The following REXO1 variants were observed in gnomAD, a reference collection of about 807,000 sequenced individuals.
REXO1 encodes the protein RNA exonuclease 1 homolog.
In REXO1, 42 loss-of-function variants were observed where a neutral mutation model predicts 102.6. The ratio of observed to expected loss-of-function variants is 0.41; its 90% confidence interval spans 0.32 to 0.53. The LOEUF (loss-of-function observed/expected upper bound fraction) is 0.53. REXO1 is among the 20% of genes least tolerant of loss of function. The pLI is 0.27. For missense variants in REXO1, 1,819 were observed against 1,732.5 expected (o/e 1.05, Z -0.89); for synonymous variants, 908 against 779.1 (o/e 1.17, Z -2.76).
rs1438859007 is a variant in REXO1 at position 1,827,903 on chromosome 19, C to T, written c.886G>A (p.Val296Ile). The change falls in exon 2 of 16, where the codon GTC becomes ATC. Residue 296 changes from valine to isoleucine, a missense_variant. By Grantham distance (29) the Val-to-Ile change is conservative. Transcript: ENST00000170168. ...FSDSEDEAAT[V>I]PGNEPTTAST... ...GCCGTGGTGGGCTCGTTACCTGGGACCGTGGCGGCCTCATCTTCTGAGTCT... is the reference window on the plus strand; with the variant it reads ...GCCGTGGTGGGCTCGTTACCTGGGATCGTGGCGGCCTCATCTTCTGAGTCT... 1.9e-6 allele frequency: 3 copies of T among 1,613,792 alleles called. No homozygotes were observed. In the South Asian group the frequency reaches 3.3e-5, roughly 18 times the overall value.
chr19:1,823,804 T>A lies in REXO1; in HGVS notation c.2017-19A>T. The A allele has an allele frequency of 8.4e-7, 1 of 1,188,018 alleles. No individual in the cohort carries two copies. Among genetic ancestry groups the A allele is most frequent in the Non-Finnish European group, 1.1e-6 (1 of 939,982 alleles). The allele number at this position is 1,188,018 out of a possible 1,614,324, so 73.6% of individuals were successfully genotyped here. On this transcript the variant is annotated intron_variant, in intron 3 of 15. Coordinates refer to ENST00000170168, the MANE Select transcript of REXO1 (RefSeq NM_020695.4). ...GCTCCACCTGCGTCACCACAAATGC[T>A]AAGGCCTGGCAGCACAGCGGGGGCA...
Position 1,827,266 on chromosome 19 carries a change from G to T in REXO1, c.1523C>A (p.Ala508Asp). The change falls in exon 2 of 16, where the codon GCC becomes GAC. Residue 508 changes from alanine to aspartate, a missense_variant. Physicochemically the swap from Ala to Asp is moderately radical, Grantham distance 126. Transcript: ENST00000170168. ...CAGGGCCCGCTTCTTCAGCTTGGGG[G>T]CGTCCTGGGAGGCGCCCTCGTCTAG... ...RSLDEGASQD[A>D]PKLKKRALSH... 6.4e-7 allele frequency: 1 copy of T among 1,559,706 alleles called. No individual in the cohort carries two copies.
chr19:1,818,968 C>T (rs1227220855), intron 8 of REXO1, 50 bp downstream of exon 8: 26 of 1,571,894 alleles, frequency 1.7e-5, no homozygotes, highest in Non-Finnish European at 2.2e-5. Flanking sequence ...GGGGCTGGGC[C>T]GGCAGAGGCC....
At chr19:1,843,134 C>T (rs777110798) in intron 1 of REXO1, among the ~76,000 whole-genome samples, 6 of 152,044 alleles carry the variant, frequency 3.9e-5, no homozygotes, top group Admixed American at 1.3e-4. Context: ...AAAGCTTCAA[C>T]CCCCCGCCCG....
At chr19:1,839,780 C>T (rs2011207748) in intron 1 of REXO1, among the ~76,000 whole-genome samples, 1 of 152,240 alleles carries the variant, frequency 6.6e-6, no homozygotes, top group Non-Finnish European at 1.5e-5. Flanking sequence ...CCGAAGTCCT[C>T]CCTGCAGAAG....
At chr19:1,841,736 C>T (rs571804664) in intron 1 of REXO1, among the ~76,000 whole-genome samples, 78 of 152,186 alleles carry the variant, frequency 5.1e-4, no homozygotes, top group Middle Eastern at 3.4e-3. Flanking sequence ...CTCTGGGGAG[C>T]GGCTCAGGCA....
intron 1 of REXO1, among the ~76,000 whole-genome samples, chr19:1,837,229 G>A (rs1051047825): frequency 2.6e-5 from 4 of 152,180 alleles, no homozygotes; most frequent in South Asian, 2.1e-4. Flanking sequence ...TCCTGCGGAC[G>A]GCAGAGTAAC....
intron 3 of REXO1, chr19:1,824,109 C>T (rs934045855): frequency 7.5e-6 from 2 of 266,034 alleles, no homozygotes; most frequent in African/African-American, 2.2e-5. Context: ...TTCCTCAAAG[C>T]CCCTCCTCTG....
chr19:1,824,563 G>A (rs2069651096), intron 3 of REXO1: 2 of 152,216 alleles, frequency 1.3e-5, no homozygotes, highest in Admixed American at 6.5e-5. Flanking sequence ...GAACCAGACG[G>A]AGTTTGAGGC....
Position 1,841,039 on chromosome 19 carries a change from A to T in REXO1, c.157+7163T>A, listed in dbSNP as rs950307612. On this transcript the variant is annotated intron_variant, in intron 1 of 15. Coordinates refer to ENST00000170168, the MANE Select transcript of REXO1 (RefSeq NM_020695.4). ...TCCGTCCTCGCAGCCGTTCCCAAAA[A>T]CCTCTCGGAGCCTAAGGGAGGGATC... 2.6e-5 allele frequency among the ~76,000 whole-genome samples: 4 copies of T among 151,616 alleles called. No homozygotes were observed. The East Asian group carries it at 7.7e-4, about 29-fold the overall frequency.
At chr19:1,816,188 G>A (rs2069356570) in intron 15 of REXO1, 34 bp from the exon 16 acceptor site, 1 of 1,563,986 alleles carries the variant, frequency 6.4e-7, no homozygotes, top group African/African-American at 1.4e-5. Flanking sequence ...CCCGGCCCCT[G>A]CGCAGGGACG....
chr19:1,843,482 A>G (rs79957076), intron 1 of REXO1, among the ~76,000 whole-genome samples: 1 of 152,190 alleles, frequency 6.6e-6, no homozygotes, highest in Admixed American at 6.5e-5. Flanking sequence ...CGCAAAGGAC[A>G]GCCCACCAGA....
In REXO1 at chr19:1,815,949, C is replaced by G; in HGVS notation, c.*117G>C. 6.5e-7 allele frequency: 1 copy of G among 1,535,260 alleles called. No individual in the cohort carries two copies. On this transcript the variant is annotated 3_prime_UTR_variant, in exon 16 of 16. Coordinates refer to ENST00000170168, the MANE Select transcript of REXO1 (RefSeq NM_020695.4). The surrounding 1 kb of genome is among the most constrained non-coding windows in gnomAD (Gnocchi z 4.0). The stretch of plus-strand genomic sequence containing the variant: ...CTGGCCGCCAGCTCATCCCGCTGCT[C>G]TGGGCTGCCTCGGCCAGGTGGACGG...
At chr19:1,817,167 G>A (rs1234525905) in intron 12 of REXO1, 52 bp downstream of exon 12, 2 of 1,601,802 alleles carry the variant, frequency 1.2e-6, no homozygotes, top group East Asian at 4.5e-5. Flanking sequence ...GGCCGCACCA[G>A]GCCAGGTCCT....
chr19:1,831,507 C>T (rs1393011710), intron 1 of REXO1, among the ~76,000 whole-genome samples: 1 of 152,040 alleles, frequency 6.6e-6, no homozygotes, highest in East Asian at 1.9e-4. Flanking sequence ...CCCTATGGCC[C>T]CCACCCACAC....
At chr19:1,818,923 C>G in intron 8 of REXO1, 80 bp from the exon 9 acceptor site, 3 of 1,580,332 alleles carry the variant, frequency 1.9e-6, no homozygotes, top group Non-Finnish European at 2.6e-6. Flanking sequence ...GCGGCTGGGC[C>G]GGCAGGGGCC....
chr19:1,828,686 C>CA, intron 1 of REXO1, 55 bp from the exon 2 acceptor site: 2 of 1,521,904 alleles, frequency 1.3e-6, no homozygotes, highest in Non-Finnish European at 1.8e-6. Context: ...GAGCCCGCAG[C>CA]ATGGGGGCGG....
chr19:1,830,251 A>G (rs898369239), intron 1 of REXO1, among the ~76,000 whole-genome samples: 3 of 152,168 alleles, frequency 2.0e-5, no homozygotes, highest in African/African-American at 7.2e-5. Context: ...GCTCACGCCG[A>G]TCATCTCAGC....
In REXO1 at chr19:1,828,397, C is replaced by T; in HGVS notation, c.392G>A (p.Gly131Asp). ...SAEAPALAPRGPNASPTVGPD... is the reference protein window; with the variant it reads ...SAEAPALAPRDPNASPTVGPD... Reference sequence around the variant, plus strand: ...GCCCACAGTGGGGCTGGCGTTGGGGCCGCGGGGCGCCAGGGCGGGGGCCTC... The same window carrying T: ...GCCCACAGTGGGGCTGGCGTTGGGGTCGCGGGGCGCCAGGGCGGGGGCCTC... Residue 131 changes from glycine to aspartate, a missense_variant, in exon 2 of 16, where the codon GGC becomes GAC. Physicochemically the swap from Gly to Asp is moderately conservative, Grantham distance 94 (BLOSUM62 -1). Coordinates refer to ENST00000170168, the MANE Select transcript of REXO1 (RefSeq NM_020695.4). The T allele has an allele frequency of 2.5e-6, 4 of 1,607,230 alleles. No homozygotes were observed. The South Asian group carries it at 4.4e-5, about 18-fold the overall frequency.
Sources: allele counts gnomAD v4.1 joint callset (sites outside exome capture counted in the v4.1 genomes callset), GRCh38; gene constraint gnomAD v4.1.1; non-coding constraint Gnocchi (gnomAD v3.1); transcripts MANE v1.5; gene names NCBI Gene and HGNC (gene_info 2026-07-23, HGNC 2026-07-21).